SV2C: variants seen among roughly 807,000 people sequenced by gnomAD.
SV2C encodes synaptic vesicle glycoprotein 2C.
SV2C carries 49 observed loss-of-function variants against 79.7 expected under a neutral mutation model. The observed-to-expected ratio is 0.61, with a 90% CI of 0.49 to 0.78. The LOEUF is 0.78. SV2C is among the 30% of genes least tolerant of loss of function. The pLI is 0.00. For synonymous variants in SV2C, 334 were observed against 333.2 expected, an observed-to-expected ratio of 1.00 and a Z score of -0.03; for missense variants, 833 against 912.9, an observed-to-expected ratio of 0.91 and a Z score of 1.13.
At chr5:75,860,804 T>C in the SV2C span, among the ~76,000 whole-genome samples, 1 of 152,192 alleles carries the variant, frequency 6.6e-6, no homozygotes, top group Non-Finnish European at 1.5e-5. Context: ...CATCTTTTCT[T>C]TGACAAAGCT....
the SV2C span, among the ~76,000 whole-genome samples, chr5:75,976,664 C>A: frequency 1.3e-4 from 19 of 151,980 alleles, no homozygotes; most frequent in African/African-American, 4.1e-4. Context: ...TATAAAGCAG[C>A]AACTTAATGG....
chr5:76,294,041 C>T lies in SV2C; in HGVS notation c.1338-1737C>T, dbSNP rs559149630. On this transcript the variant is annotated intron_variant, in intron 8 of 12. Transcript: ENST00000502798. ...AACTTGAACGTGCATCAGAAGAATC[C>T]CTGGAGGACTCCCCTGCCAAAGTTT... 1.8e-4 allele frequency among the ~76,000 whole-genome samples: 27 copies of T among 152,182 alleles called. No homozygotes were observed. In the South Asian group the frequency reaches 5.2e-3, roughly 29 times the overall value.
intron 2 of SV2C, among the ~76,000 whole-genome samples, chr5:76,148,644 G>A (rs1380036231): frequency 6.6e-6 from 1 of 152,112 alleles, no homozygotes; most frequent in African/African-American, 2.4e-5. Context: ...TGTAGAGTCA[G>A]AGTCTCACTA....
At chr5:76,029,868 T>C in the SV2C span, among the ~76,000 whole-genome samples, 1 of 152,186 alleles carries the variant, frequency 6.6e-6, no homozygotes, top group Non-Finnish European at 1.5e-5. Context: ...TGGCATCTTT[T>C]AGTAAGAGCT....
chr5:75,984,571 C>CTATCTATCTATCTA, the SV2C span, among the ~76,000 whole-genome samples: 6 of 60,242 alleles, frequency 1.0e-4, no homozygotes, highest in East Asian at 2.3e-4. Flanking sequence ...CTATCTATAT[C>CTATCTATCTATCTA]TATCTATCTA....
intron 2 of SV2C, among the ~76,000 whole-genome samples, chr5:76,134,217 G>A (rs1450943333): frequency 3.3e-5 from 5 of 152,158 alleles, no homozygotes; most frequent in African/African-American, 4.8e-5. Flanking sequence ...GCCTGCTTTA[G>A]TGAATTAAAA....
chr5:75,853,808 G>A, the SV2C span, among the ~76,000 whole-genome samples: 1 of 151,356 alleles, frequency 6.6e-6, no homozygotes, highest in Non-Finnish European at 1.5e-5. Context: ...ATTTTGTAAA[G>A]ACTGAGTCTT....
chr5:76,308,002 C>T (rs1207884634), intron 12 of SV2C, among the ~76,000 whole-genome samples: 3 of 152,190 alleles, frequency 2.0e-5, no homozygotes, highest in South Asian at 2.1e-4. Context: ...ATAATTCTAA[C>T]ATCTCTGTCA....
chr5:76,093,696 G>T (rs775400153), intron 1 of SV2C, among the ~76,000 whole-genome samples: 2 of 152,142 alleles, frequency 1.3e-5, no homozygotes, highest in Admixed American at 1.3e-4. Context: ...CTTCTGAGCC[G>T]CAGTGATCTG....
the SV2C span, among the ~76,000 whole-genome samples, chr5:75,902,879 G>T: frequency 6.6e-6 from 1 of 152,214 alleles, no homozygotes; most frequent in Admixed American, 6.5e-5. Context: ...TATTCAGTAA[G>T]ATGTGAAGAA....
the SV2C span, among the ~76,000 whole-genome samples, chr5:76,020,738 C>CT: frequency 5.3e-3 from 804 of 152,238 alleles, 4 homozygotes; most frequent in African/African-American, 0.018. Flanking sequence ...CAGGTGACTG[C>CT]TTTTTTTCCA....
the SV2C span, among the ~76,000 whole-genome samples, chr5:75,949,551 G>C: frequency 2.6e-5 from 4 of 152,002 alleles, no homozygotes; most frequent in African/African-American, 9.7e-5. Context: ...GGACGTGGTG[G>C]GAGATAGCTG....
At chr5:76,174,205 A>G (rs764269872) in intron 2 of SV2C, 72 of 1,609,972 alleles carry the variant, frequency 4.5e-5, no homozygotes, top group Non-Finnish European at 5.5e-5. Flanking sequence ...GTCAAAACCT[A>G]GTACTCTGCG....
the SV2C span, among the ~76,000 whole-genome samples, chr5:75,895,998 C>T: frequency 6.6e-6 from 1 of 151,988 alleles, no homozygotes; most frequent in Non-Finnish European, 1.5e-5. Flanking sequence ...ACAAAATGCA[C>T]ATACATAATT....
chr5:76,245,910 G>C (rs911357064), intron 4 of SV2C, among the ~76,000 whole-genome samples: 1 of 87,048 alleles, frequency 1.1e-5, no homozygotes, highest in Non-Finnish European at 2.7e-5. Flanking sequence ...TGAGGCAGGG[G>C]AGTGTGTGTG....
chr5:76,115,609 C>T (rs928301295), intron 1 of SV2C, among the ~76,000 whole-genome samples: 11 of 151,998 alleles, frequency 7.2e-5, no homozygotes, highest in African/African-American at 2.7e-4. Context: ...ATAAGGTGAT[C>T]GTAGTCAGAA....
chr5:75,857,115 G>A, the SV2C span, among the ~76,000 whole-genome samples: 1 of 151,874 alleles, frequency 6.6e-6, no homozygotes, highest in Non-Finnish European at 1.5e-5. Context: ...CTGCCACCAC[G>A]CCTGGCTAAT....
intron 3 of SV2C, among the ~76,000 whole-genome samples, chr5:76,196,328 G>A (rs944263280): frequency 6.6e-6 from 1 of 152,152 alleles, no homozygotes; most frequent in Non-Finnish European, 1.5e-5. Context: ...GTTTGGGAAA[G>A]TGTAAAATAT....
the SV2C span, among the ~76,000 whole-genome samples, chr5:75,899,612 G>T: frequency 6.6e-6 from 1 of 152,020 alleles, no homozygotes; most frequent in African/African-American, 2.4e-5. Flanking sequence ...TTCAATTCCT[G>T]GGTACCCTTG....
Sources: allele counts gnomAD v4.1 joint callset (sites outside exome capture counted in the v4.1 genomes callset), GRCh38; gene constraint gnomAD v4.1.1; transcripts MANE v1.5; gene names NCBI Gene and HGNC (gene_info 2026-07-23, HGNC 2026-07-21).